Variants in MAPKBP1 observed in about 807,000 individuals in gnomAD.
The protein encoded by MAPKBP1 is mitogen-activated protein kinase-binding protein 1.
A neutral mutation model predicts 170.5 loss-of-function variants in MAPKBP1; 71 were observed. The observed-to-expected ratio is 0.42, with a 90% confidence interval of 0.34 to 0.51. The LOEUF is 0.51. Among genes scored for constraint, MAPKBP1 ranks in the 20% least tolerant of loss-of-function variants. MAPKBP1 has a pLI of 0.06. For missense variants in MAPKBP1, 1,598 were observed against 1,933.0 expected (o/e 0.83, Z 3.25); for synonymous variants, 719 against 757.9 (o/e 0.95, Z 0.84).
At chr15:41,781,463 A>G (rs1232839685) in intron 2 of MAPKBP1, among the ~76,000 whole-genome samples, 1 of 149,570 alleles carries the variant, frequency 6.7e-6, no homozygotes, top group Non-Finnish European at 1.5e-5. Flanking sequence ...CTAAAACTGT[A>G]ATGAAGCTAA....
At chr15:41,815,496 CCT>C in intron 11 of MAPKBP1, 91 bp downstream of exon 11, 2 of 1,564,032 alleles carry the variant, frequency 1.3e-6, no homozygotes, top group Non-Finnish European at 8.7e-7. Context: ...GGTCCCTAGG[CCT>C]TGGCCTTCCA....
chr15:41,793,856 C>CA (rs2064436948), intron 2 of MAPKBP1, among the ~76,000 whole-genome samples: 1 of 152,230 alleles, frequency 6.6e-6, no homozygotes, highest in Non-Finnish European at 1.5e-5. Flanking sequence ...GAGGGGTACT[C>CA]ACGATGGTGG....
At position 41,775,488 on chromosome 15, in the gene MAPKBP1, C is replaced by T. The variant is rs530768576; in HGVS notation, c.114+99C>T. The T allele has an allele frequency of 3.8e-5, 32 of 852,796 alleles. No individual in the cohort carries two copies. In the African/African-American group the frequency reaches 5.3e-4, roughly 14 times the overall value. 52.8% of individuals were successfully genotyped at this position (852,796 alleles called of 1,614,324 possible). On this transcript the variant is annotated intron_variant, in intron 2 of 30. Coordinates refer to ENST00000457542, the MANE Select transcript of MAPKBP1 (RefSeq NM_014994.3). Reference sequence around the variant, plus strand: ...TTCTTGGGAAAGATAACTAGAAGCCCTTGTTGACTCTAAAGGATCACATAT... The same window carrying T: ...TTCTTGGGAAAGATAACTAGAAGCCTTTGTTGACTCTAAAGGATCACATAT...
chr15:41,792,398 A>G (rs181101496), intron 2 of MAPKBP1, among the ~76,000 whole-genome samples: 22 of 152,162 alleles, frequency 1.4e-4, no homozygotes, highest in African/African-American at 5.3e-4. Flanking sequence ...GCCTTGCTTC[A>G]GGGGAAAGAT....
chr15:41,816,884 G>A, intron 13 of MAPKBP1, 26 bp from the exon 14 acceptor site: 1 of 1,586,800 alleles, frequency 6.3e-7, no homozygotes, highest in Non-Finnish European at 8.6e-7. Flanking sequence ...GGCACTCATG[G>A]GCTGATGGAG....
Position 41,818,327 on chromosome 15 carries a change from G to T in MAPKBP1, c.2092+22G>T. The T allele has an allele frequency of 5.7e-6, 9 of 1,590,210 alleles. No homozygotes were observed. The highest frequency in any genetic ancestry group is 7.8e-6 in the Non-Finnish European group (9 of 1,158,498). On this transcript the variant is annotated intron_variant, in intron 18 of 30. Coordinates refer to ENST00000457542, the MANE Select transcript of MAPKBP1 (RefSeq NM_014994.3). This position sits in a 1 kb window ranked among gnomAD's most constrained non-coding sequence, Gnocchi z 5.2. ...TCAGGTGAGTGTAGCCTGAATCCCC[G>T]AGTAGAAGCTGATACCTGCGTAAAC...
chr15:41,806,176 G>C (rs2064687177), intron 3 of MAPKBP1, among the ~76,000 whole-genome samples: 4 of 152,216 alleles, frequency 2.6e-5, no homozygotes, highest in African/African-American at 9.7e-5. Flanking sequence ...TGTGAAGATG[G>C]ATCCCCACCC....
At chr15:41,780,864 A>G (rs2064174497) in intron 2 of MAPKBP1, among the ~76,000 whole-genome samples, 1 of 151,898 alleles carries the variant, frequency 6.6e-6, no homozygotes, top group Non-Finnish European at 1.5e-5. Flanking sequence ...GAATGTCCAG[A>G]TTTTCCAAAT....
rs1005012851 is a variant in MAPKBP1 at position 41,791,244 on chromosome 15, G to A, written c.115-8579G>A. 4.9e-5 allele frequency among the ~76,000 whole-genome samples: 7 copies of A among 144,224 alleles called. No homozygotes were observed. The East Asian group carries it at 1.1e-3, about 23-fold the overall frequency. 94.6% of individuals were successfully genotyped at this position (144,224 alleles called of 152,430 possible). On this transcript the variant is annotated intron_variant, in intron 2 of 30. Transcript: ENST00000457542. ...AAGTAGCTGGTGGCAACAAAACATAGCAACAAAAACAGATCTTTTTCCTCA... is the reference window on the plus strand; with the variant it reads ...AAGTAGCTGGTGGCAACAAAACATAACAACAAAAACAGATCTTTTTCCTCA...
At chr15:41,797,009 AC>A in intron 2 of MAPKBP1, among the ~76,000 whole-genome samples, 1 of 152,324 alleles carries the variant, frequency 6.6e-6, no homozygotes, top group East Asian at 1.9e-4. Context: ...ATATGCACAC[AC>A]GTCTCTATAT....
Position 41,813,333 on chromosome 15 carries a change from A to G in MAPKBP1, c.819+232A>G. 1.3e-6 allele frequency: 2 copies of G among 1,528,400 alleles called. No homozygotes were observed. The highest frequency in any genetic ancestry group is 1.7e-5 in the Admixed American group (1 of 59,876). The allele number at this position is 1,528,400 out of a possible 1,614,324, so 94.7% of individuals were successfully genotyped here. On this transcript the variant is annotated intron_variant, in intron 8 of 30. Coordinates refer to ENST00000457542, the MANE Select transcript of MAPKBP1 (RefSeq NM_014994.3). ...CCTGCTTTCCTCTTCCGCTCAGAACATAGACAGCTTCACAGTAAGTGGTGC... is the reference window on the plus strand; with the variant it reads ...CCTGCTTTCCTCTTCCGCTCAGAACGTAGACAGCTTCACAGTAAGTGGTGC...
chr15:41,813,988 A>C (rs866322920), intron 9 of MAPKBP1, among the ~76,000 whole-genome samples: 1 of 152,168 alleles, frequency 6.6e-6, no homozygotes, highest in Non-Finnish European at 1.5e-5. Context: ...AGTCTCAGTA[A>C]GTGGGTGTTA....
At chr15:41,788,926 A>T (rs750427120) in intron 2 of MAPKBP1, among the ~76,000 whole-genome samples, 1 of 152,192 alleles carries the variant, frequency 6.6e-6, no homozygotes, top group Non-Finnish European at 1.5e-5. Flanking sequence ...ATCCATTGCT[A>T]TATCCAGGAA....
chr15:41,776,336 G>A (rs750648320), intron 2 of MAPKBP1, among the ~76,000 whole-genome samples: 3 of 152,222 alleles, frequency 2.0e-5, no homozygotes, highest in Non-Finnish European at 4.4e-5. Flanking sequence ...AATCCCATGA[G>A]GAATGATTTA....
chr15:41,804,622 C>G lies in MAPKBP1; in HGVS notation c.206+4708C>G, dbSNP rs147235573. ...TTTCTTCCTCACACACCCCTGGACT[C>G]CAGGCCTGGCCTTTAAGGGCATGTG... On this transcript the variant is annotated intron_variant, in intron 3 of 30. Transcript: ENST00000457542. Among the ~76,000 whole-genome samples the G allele has an allele frequency of 2.6e-3, 401 of 152,330 alleles. 1 individual carries two copies. Among genetic ancestry groups the G allele is most frequent in the African/African-American group, 9.1e-3 (379 of 41,564 alleles).
intron 2 of MAPKBP1, among the ~76,000 whole-genome samples, chr15:41,784,723 A>G (rs1206200995): frequency 6.9e-6 from 1 of 145,454 alleles, no homozygotes; most frequent in Non-Finnish European, 1.5e-5. Context: ...CAGAGGTTGC[A>G]GTGAGCCGAG....
At chr15:41,787,368 AT>A (rs1409041572) in intron 2 of MAPKBP1, among the ~76,000 whole-genome samples, 2 of 97,264 alleles carry the variant, frequency 2.1e-5, no homozygotes, top group African/African-American at 4.0e-5. Context: ...TATTTTATTT[AT>A]TTTTGGGTGG....
chr15:41,821,724 G>A lies in MAPKBP1; in HGVS notation c.2859G>A (p.Pro953=), dbSNP rs141865866. 1,311 of 1,613,952 alleles carry A rather than the reference G, an allele frequency of 8.1e-4. 6 individuals carry two copies. The African/African-American group carries it at 0.012, about 15-fold the overall frequency. The change falls in exon 24 of 31, where the codon CCG becomes CCA. Residue 953 remains proline, a synonymous_variant. Coordinates refer to ENST00000457542, the MANE Select transcript of MAPKBP1 (RefSeq NM_014994.3). ...AAGATGGTATTGTCTACCCGGAGCC[G>A]AGTGACAACCCCACCATGGATACCA... The part of the protein sequence containing the change: ...PIEDGIVYPE[P]SDNPTMDTSE...
rs762378939 is a variant in MAPKBP1 at position 41,819,499 on chromosome 15, G to A, written c.2426-96G>A. 2.6e-6 allele frequency: 4 copies of A among 1,526,372 alleles called. No homozygotes were observed. In the East Asian group the frequency reaches 1.0e-4, roughly 38 times the overall value. 94.6% of individuals were successfully genotyped at this position (1,526,372 alleles called of 1,614,324 possible). A position where few individuals can be genotyped will look rare whatever the true frequency, so the allele number is the denominator to read the frequency against. ...CTGAGGAAACTGAGGCATCACTGTGGCCACACAGGGTATGGGCTGATGGGG... is the reference window on the plus strand; with the variant it reads ...CTGAGGAAACTGAGGCATCACTGTGACCACACAGGGTATGGGCTGATGGGG... On this transcript the variant is annotated intron_variant, in intron 21 of 30. Transcript: ENST00000457542.
Sources: allele counts gnomAD v4.1 joint callset (sites outside exome capture counted in the v4.1 genomes callset), GRCh38; gene constraint gnomAD v4.1.1; non-coding constraint Gnocchi (gnomAD v3.1); transcripts MANE v1.5; gene names NCBI Gene and HGNC (gene_info 2026-07-23, HGNC 2026-07-21).